CCDC192: variants seen among roughly 807,000 people sequenced by gnomAD.
CCDC192 encodes the protein coiled-coil domain containing 192.
intron 6 of CCDC192, among the ~76,000 whole-genome samples, chr5:127,934,861 G>C (rs962394528): frequency 2.6e-5 from 4 of 152,178 alleles, no homozygotes; most frequent in African/African-American, 9.7e-5. Flanking sequence ...CTCTGTGGTG[G>C]TTGCAGACAA....
At chr5:127,829,521 T>C (rs2127038125) in intron 5 of CCDC192, among the ~76,000 whole-genome samples, 1 of 152,250 alleles carries the variant, frequency 6.6e-6, no homozygotes, top group South Asian at 2.1e-4. Flanking sequence ...GAGAAAAGAA[T>C]AGCAGGGAAT....
intron 5 of CCDC192, among the ~76,000 whole-genome samples, chr5:127,872,583 C>T (rs1418742603): frequency 6.6e-6 from 1 of 152,144 alleles, no homozygotes; most frequent in South Asian, 2.1e-4. Flanking sequence ...CTGAAGATGT[C>T]CATCCAGTCC....
At chr5:127,919,610 G>C (rs1423186867) in intron 6 of CCDC192, among the ~76,000 whole-genome samples, 3 of 152,116 alleles carry the variant, frequency 2.0e-5, no homozygotes, top group Non-Finnish European at 1.5e-5. Flanking sequence ...TGTGCAACAG[G>C]CTTTCCTCAG....
chr5:127,909,582 C>T (rs1753289729), intron 6 of CCDC192, among the ~76,000 whole-genome samples: 2 of 151,996 alleles, frequency 1.3e-5, no homozygotes, highest in African/African-American at 4.8e-5. Context: ...CCAATATCAA[C>T]AGCTGTAAAG....
chr5:127,780,018 T>G (rs375915051), intron 3 of CCDC192, among the ~76,000 whole-genome samples: 26 of 152,302 alleles, frequency 1.7e-4, no homozygotes, highest in Middle Eastern at 6.8e-3. Flanking sequence ...TCACTTAGAA[T>G]AATAGCCTCC....
chr5:127,807,550 A>G (rs1285515589), intron 5 of CCDC192, among the ~76,000 whole-genome samples: 1 of 152,126 alleles, frequency 6.6e-6, no homozygotes, highest in Non-Finnish European at 1.5e-5. Context: ...TCAATTAAGT[A>G]TTTGTTCAGT....
chr5:127,810,696 A>T (rs1398175222), intron 5 of CCDC192, among the ~76,000 whole-genome samples: 1 of 152,204 alleles, frequency 6.6e-6, no homozygotes, highest in Non-Finnish European at 1.5e-5. Flanking sequence ...ATACTACCTA[A>T]TAGAATAATA....
intron 6 of CCDC192, among the ~76,000 whole-genome samples, chr5:127,917,837 C>G (rs2127184783): frequency 6.6e-6 from 1 of 152,196 alleles, no homozygotes; most frequent in South Asian, 2.1e-4. Flanking sequence ...TGAGCACGTG[C>G]TGTTGAAAAA....
At chr5:127,763,349 G>A (rs1309800439) in intron 3 of CCDC192, among the ~76,000 whole-genome samples, 1 of 152,094 alleles carries the variant, frequency 6.6e-6, no homozygotes, top group East Asian at 1.9e-4. Flanking sequence ...TGCCTCATAT[G>A]CAATCAATTG....
At chr5:127,719,532 T>TACAC (rs1751863426) in intron 2 of CCDC192, among the ~76,000 whole-genome samples, 1 of 59,382 alleles carries the variant, frequency 1.7e-5, no homozygotes, top group African/African-American at 8.6e-5. Context: ...TATACACACA[T>TACAC]ACATATATAT....
chr5:127,750,000 C>T (rs905759079), intron 2 of CCDC192, among the ~76,000 whole-genome samples: 4 of 151,774 alleles, frequency 2.6e-5, no homozygotes, highest in African/African-American at 7.3e-5. Flanking sequence ...TGATTCTTCT[C>T]TCTTTTTTTC....
chr5:127,826,696 A>G (rs1444218488), intron 5 of CCDC192, among the ~76,000 whole-genome samples: 1 of 150,408 alleles, frequency 6.6e-6, no homozygotes, highest in African/African-American at 2.5e-5. Context: ...TACTATGCTC[A>G]GTGATGGGAT....
At chr5:127,887,645 C>T (rs1752607329) in intron 6 of CCDC192, among the ~76,000 whole-genome samples, 1 of 151,664 alleles carries the variant, frequency 6.6e-6, no homozygotes, top group African/African-American at 2.4e-5. Context: ...CACAACCAGA[C>T]ATTATTCATT....
intron 5 of CCDC192, among the ~76,000 whole-genome samples, chr5:127,821,566 C>A (rs185254321): frequency 6.6e-6 from 1 of 152,150 alleles, no homozygotes; most frequent in Admixed American, 6.5e-5. Context: ...GAACTTTATG[C>A]GCTTGTCTCC....
At chr5:127,871,616 T>C (rs1344186981) in intron 5 of CCDC192, among the ~76,000 whole-genome samples, 1 of 152,222 alleles carries the variant, frequency 6.6e-6, no homozygotes, top group Admixed American at 6.5e-5. Context: ...AGAAATGTCA[T>C]GTGCCAGGCA....
chr5:127,854,852 A>T (rs1750992959), intron 5 of CCDC192, among the ~76,000 whole-genome samples: 2 of 152,214 alleles, frequency 1.3e-5, no homozygotes, highest in Non-Finnish European at 2.9e-5. Context: ...TTATGGCTTT[A>T]TGACTATTAC....
In CCDC192 at chr5:127,938,541, C is replaced by T. The variant is rs927195439; in HGVS notation, c.536-2641C>T. ...TCCAACAGAAATATAATGGGAGCCA[C>T]AAATGCAAGCCATGTATTTTAAATT... On this transcript the variant is annotated intron_variant, in intron 6 of 6. Coordinates refer to ENST00000514853, the MANE Select transcript of CCDC192 (RefSeq NM_001317938.2). Among the ~76,000 whole-genome samples the T allele has an allele frequency of 2.0e-5, 3 of 152,130 alleles. No individual in the cohort carries two copies. In the East Asian group the frequency reaches 5.8e-4, roughly 29 times the overall value.
intron 3 of CCDC192, among the ~76,000 whole-genome samples, chr5:127,772,603 T>TA (rs970827211): frequency 6.6e-6 from 1 of 152,114 alleles, no homozygotes; most frequent in African/African-American, 2.4e-5. Context: ...TACATCCTGA[T>TA]AAAAAGAGAT....
chr5:127,915,704 C>T (rs925958625), intron 6 of CCDC192, among the ~76,000 whole-genome samples: 40 of 151,880 alleles, frequency 2.6e-4, no homozygotes, highest in Non-Finnish European at 2.4e-4. Context: ...TTTCTTAAAA[C>T]ATCATGAGAT....
Sources: allele counts gnomAD v4.1 joint callset (sites outside exome capture counted in the v4.1 genomes callset), GRCh38; gene constraint gnomAD v4.1.1; transcripts MANE v1.5; gene names NCBI Gene and HGNC (gene_info 2026-07-23, HGNC 2026-07-21).